Variants in CSMD1 observed in about 807,000 individuals in gnomAD.
CSMD1 encodes CUB and sushi domain-containing protein 1.
In CSMD1, 213 loss-of-function variants were observed where a neutral mutation model predicts 417.5. The ratio of observed to expected loss-of-function variants is 0.51; its 90% CI spans 0.46 to 0.57. The LOEUF is 0.57. Ranked by LOEUF, CSMD1 falls within the 20% of genes least tolerant of loss-of-function variation. The probability of loss-of-function intolerance (pLI) is 0.00; values close to 1 mark genes in which losing one functional copy is unlikely to be tolerated. For missense variants in CSMD1, 6,923 were observed against 4,529.7 expected, an observed-to-expected ratio of 1.53 and a Z score of -15.17; for synonymous variants, 2,862 against 1,736.8, an observed-to-expected ratio of 1.65 and a Z score of -16.11.
chr8:3,396,395 C>A lies in CSMD1; in HGVS notation c.2406-14G>T, dbSNP rs1811701840. Reference sequence around the variant, plus strand: ...TCTGTCTGAAATCTGCAAATATATACATCCCATCAGAAAAGACATGCAGAA... The same window carrying A: ...TCTGTCTGAAATCTGCAAATATATAAATCCCATCAGAAAAGACATGCAGAA... On this transcript the variant is annotated splice_polypyrimidine_tract_variant and intron_variant, in intron 16 of 69. Coordinates refer to ENST00000635120, the MANE Select transcript of CSMD1 (RefSeq NM_033225.6). 2.6e-6 allele frequency: 4 copies of A among 1,535,000 alleles called. No homozygotes were observed. The highest frequency in any genetic ancestry group is 3.5e-6 in the Non-Finnish European group (4 of 1,139,534).
intron 3 of CSMD1, among the ~76,000 whole-genome samples, chr8:4,233,103 T>C (rs1167538661): frequency 6.6e-6 from 1 of 152,218 alleles, no homozygotes; most frequent in Non-Finnish European, 1.5e-5. Context: ...AACTGCACAG[T>C]TGGAAAATGC....
intron 3 of CSMD1, among the ~76,000 whole-genome samples, chr8:4,094,005 G>GATAA (rs1800864769): frequency 6.7e-6 from 1 of 149,808 alleles, no homozygotes; most frequent in South Asian, 2.1e-4. Context: ...TAGATAGATA[G>GATAA]ATAGATAAAG....
intron 3 of CSMD1, among the ~76,000 whole-genome samples, chr8:4,178,985 G>A (rs1177853007): frequency 6.6e-6 from 1 of 151,906 alleles, no homozygotes; most frequent in Non-Finnish European, 1.5e-5. Context: ...TCAATATCGT[G>A]AAAATGGCCA....
At chr8:4,233,716 G>T (rs752180707) in intron 3 of CSMD1, among the ~76,000 whole-genome samples, 9 of 152,010 alleles carry the variant, frequency 5.9e-5, no homozygotes, top group African/African-American at 2.2e-4. Context: ...AGCCCCAACA[G>T]ACTAAGATAT....
At chr8:4,642,437 C>G (rs1803253519) in intron 1 of CSMD1, among the ~76,000 whole-genome samples, 1 of 152,164 alleles carries the variant, frequency 6.6e-6, no homozygotes, top group Non-Finnish European at 1.5e-5. Flanking sequence ...GTAATTCGTG[C>G]TGCTGTATAG....
chr8:4,930,188 G>C (rs558168941), intron 1 of CSMD1, among the ~76,000 whole-genome samples: 44 of 152,218 alleles, frequency 2.9e-4, no homozygotes, highest in Admixed American at 6.5e-4. Flanking sequence ...ATGGACAGAC[G>C]TTCTCCAATT....
At chr8:4,133,546 A>G (rs79408487) in intron 3 of CSMD1, among the ~76,000 whole-genome samples, 159 of 152,262 alleles carry the variant, frequency 1.0e-3, no homozygotes, top group African/African-American at 3.7e-3. Flanking sequence ...TCCTCATGGT[A>G]TAAGGGTTTT....
chr8:3,580,529 T>C (rs17066443), intron 9 of CSMD1, among the ~76,000 whole-genome samples: 1,544 of 152,046 alleles, frequency 0.01, 26 homozygotes, highest in African/African-American at 0.034. Context: ...GTCAATAGAG[T>C]ATGAGAGTAG....
intron 50 of CSMD1, among the ~76,000 whole-genome samples, chr8:3,049,956 G>A (rs1400798246): frequency 2.0e-5 from 3 of 152,032 alleles, no homozygotes; most frequent in Non-Finnish European, 4.4e-5. Flanking sequence ...GTCAAACAAA[G>A]AAACGAAAGC....
chr8:4,724,160 A>G (rs1809256884), intron 1 of CSMD1, among the ~76,000 whole-genome samples: 1 of 152,144 alleles, frequency 6.6e-6, no homozygotes, highest in Non-Finnish European at 1.5e-5. Flanking sequence ...TAAAACATGG[A>G]TGTTCCAGAA....
chr8:3,209,283 GT>G (rs1797468500), intron 30 of CSMD1, among the ~76,000 whole-genome samples: 1 of 74,034 alleles, frequency 1.4e-5, no homozygotes, highest in African/African-American at 5.1e-5. Flanking sequence ...TTATTTATTT[GT>G]TTGTTTGTTT....
chr8:3,396,768 C>T (rs1811727666), intron 16 of CSMD1, among the ~76,000 whole-genome samples: 1 of 151,838 alleles, frequency 6.6e-6, no homozygotes, highest in Non-Finnish European at 1.5e-5. Flanking sequence ...CTATTTTTAC[C>T]ATTCCCTATT....
intron 1 of CSMD1, among the ~76,000 whole-genome samples, chr8:4,814,196 T>TGTGTG (rs566112254): frequency 6.7e-6 from 1 of 149,704 alleles, no homozygotes; most frequent in Admixed American, 6.7e-5. Flanking sequence ...CAGAATGATT[T>TGTGTG]TGTGTGTGTG....
At chr8:3,777,832 G>A (rs562898081) in intron 5 of CSMD1, among the ~76,000 whole-genome samples, 2 of 150,552 alleles carry the variant, frequency 1.3e-5, no homozygotes, top group East Asian at 3.9e-4. Context: ...CAGACCCGCA[G>A]CCTCCTTGAA....
intron 1 of CSMD1, among the ~76,000 whole-genome samples, chr8:4,951,469 G>T (rs62488207): frequency 0.13 from 19,774 of 150,352 alleles, 2,160 homozygotes; most frequent in African/African-American, 0.3. Flanking sequence ...AAGAAGGAAG[G>T]AAGGAAGGAA....
Position 3,380,066 on chromosome 8 carries a change from A to G in CSMD1, c.2782+7428T>C, listed in dbSNP as rs574833009. On this transcript the variant is annotated intron_variant, in intron 18 of 69. Transcript: ENST00000635120. The stretch of plus-strand genomic sequence containing the variant: ...TTACAACAAAAAACAACCCCATCAA[A>G]AAGTGGGTGAAGGATATGAACAGAC... 5.3e-4 allele frequency among the ~76,000 whole-genome samples: 81 copies of G among 152,344 alleles called. No individual in the cohort carries two copies. In the Middle Eastern group the frequency reaches 0.01, roughly 19 times the overall value.
Position 3,383,054 on chromosome 8 carries a change from G to C in CSMD1, c.2782+4440C>G, listed in dbSNP as rs564127907. 2.6e-5 allele frequency among the ~76,000 whole-genome samples: 4 copies of C among 152,244 alleles called. No homozygotes were observed. In the East Asian group the frequency reaches 5.8e-4, roughly 22 times the overall value. On this transcript the variant is annotated intron_variant, in intron 18 of 69. Transcript: ENST00000635120. ...CCAATGATGCCAGCGCATGTAGATAGCCAGATTGGAGAAGAAATGGATCTG... is the reference window on the plus strand; with the variant it reads ...CCAATGATGCCAGCGCATGTAGATACCCAGATTGGAGAAGAAATGGATCTG...
In CSMD1 at chr8:4,246,153, T is replaced by C. The variant is rs535210772; in HGVS notation, c.415+173800A>G. ...ATATTAAGCCTAGTACCCATTATTT[T>C]CCTGATCCCCTCTTTCTTCCAATAT... On this transcript the variant is annotated intron_variant, in intron 3 of 69. Transcript: ENST00000635120. Among the ~76,000 whole-genome samples, 218 of 152,322 alleles carry C rather than the reference T, an allele frequency of 1.4e-3. 2 individuals carry two copies. Among genetic ancestry groups the C allele is most frequent in the African/African-American group, 4.9e-3 (204 of 41,584 alleles).
intron 2 of CSMD1, among the ~76,000 whole-genome samples, chr8:4,452,985 GAGACTGTTTCCCAC>G (rs1363417507): frequency 2.6e-5 from 4 of 152,140 alleles, no homozygotes; most frequent in African/African-American, 9.7e-5. Flanking sequence ...TGGAGTTGCA[GAGACTGTTTCCCAC>G]AGTCCTCTGA....
Sources: gnomAD v4.1 joint callset for allele counts (sites outside exome capture counted in the v4.1 genomes callset) on GRCh38, gnomAD v4.1.1 for gene constraint, MANE v1.5 for transcripts, NCBI Gene and HGNC (gene_info 2026-07-23, HGNC 2026-07-21) for gene names.